KCNMB3: variants seen among roughly 807,000 people sequenced by gnomAD.
The protein encoded by KCNMB3 is potassium calcium-activated channel subfamily M regulatory beta subunit 3, also known as calcium-activated potassium channel subunit beta-3.
Under a neutral mutation model 11.9 loss-of-function variants are expected in KCNMB3, and 18 were observed. The observed-to-expected ratio is 1.51, with a 90% confidence interval of 1.04 to 2.23. The LOEUF is 2.23. KCNMB3 is among the 30% of genes most tolerant of loss of function. The pLI is 0.00. For missense variants in KCNMB3, 247 were observed against 329.4 expected, an observed-to-expected ratio of 0.75 and a Z score of 1.94; for synonymous variants, 78 against 119.2, an observed-to-expected ratio of 0.65 and a Z score of 2.25.
chr3:179,250,598 G>A (rs1009933516), intron 1 of KCNMB3, 145 bp downstream of exon 1: 5 of 842,538 alleles, frequency 5.9e-6, no homozygotes, highest in African/African-American at 5.1e-5. Context: ...AGCACTGACA[G>A]CGGAAGAGGA....
In KCNMB3 at chr3:179,250,818, C is replaced by T. The variant is rs1281508872; in HGVS notation, c.173G>A (p.Gly58Glu). 6 of 1,614,170 alleles carry T rather than the reference C, an allele frequency of 3.7e-6. No homozygotes were observed. The highest frequency in any genetic ancestry group is 3.4e-6 in the Non-Finnish European group (4 of 1,180,040). ...SAGEDRAVML[G>E]FAMMGFSVLM... ...GACTGAGAAGCCCATCATGGCAAAC[C>T]CCAGCATCACGGCTCGGTCCTCTCC... The change falls in exon 1 of 3, where the codon GGG becomes GAG. Residue 58 changes from glycine to glutamate, a missense_variant. Transcript: ENST00000392685.
At chr3:179,246,172 G>A (rs1725636427) in intron 1 of KCNMB3, among the ~76,000 whole-genome samples, 1 of 152,192 alleles carries the variant, frequency 6.6e-6, no homozygotes, top group Non-Finnish European at 1.5e-5. Flanking sequence ...AGCACTTTGG[G>A]AGGCCGAGGC....
intron 1 of KCNMB3, chr3:179,261,358 G>A: frequency 7.8e-6 from 9 of 1,149,930 alleles, no homozygotes; most frequent in Non-Finnish European, 9.7e-6. Context: ...GCCAGGGGGC[G>A]CGCGCTCTGT....
chr3:179,266,739 C>T (rs1467657535), exon 1 of KCNMB3: 5 of 1,613,408 alleles, frequency 3.1e-6, no homozygotes, highest in East Asian at 2.2e-5. Context: ...AAATGGCTCC[C>T]TTTCACCTGA....
chr3:179,260,754 G>C (rs62410372), intron 1 of KCNMB3: 1 of 1,425,854 alleles, frequency 7.0e-7, no homozygotes, highest in South Asian at 1.2e-5. Context: ...TGAAACTGCA[G>C]TATACTGTGG....
upstream of KCNMB3, among the ~76,000 whole-genome samples, chr3:179,253,837 T>A (rs905540312): frequency 5.9e-5 from 9 of 152,012 alleles, no homozygotes; most frequent in African/African-American, 1.4e-4. Flanking sequence ...AATTTAAAAA[T>A]TTTTTTAAAA....
intron 1 of KCNMB3, among the ~76,000 whole-genome samples, chr3:179,263,323 C>T (rs1265975238): frequency 6.6e-6 from 1 of 152,002 alleles, no homozygotes; most frequent in Non-Finnish European, 1.5e-5. Flanking sequence ...GCTGAGTCCA[C>T]GCCCACCTGG....
intron 1 of KCNMB3, chr3:179,260,501 T>G (rs1726171090): frequency 5.6e-6 from 9 of 1,607,688 alleles, no homozygotes; most frequent in Non-Finnish European, 7.6e-6. Flanking sequence ...AGATTTCTCT[T>G]TTCCCCACAT....
intron 1 of KCNMB3, among the ~76,000 whole-genome samples, chr3:179,245,515 G>GA (rs1491194472): frequency 1.7e-5 from 2 of 120,430 alleles, no homozygotes; most frequent in Non-Finnish European, 3.6e-5. Context: ...TAATTTTTTT[G>GA]GGGGGGGGGA....
At chr3:179,240,768 A>C (rs1299243841), downstream of KCNMB3, 1 of 133,102 alleles carries the variant, frequency 7.5e-6, no homozygotes, top group Non-Finnish European at 1.6e-5. Context: ...TTAAATTAGC[A>C]GTTTTGAATT....
At chr3:179,242,661 A>G (rs1725492380), downstream of KCNMB3, 1 of 555,626 alleles carries the variant, frequency 1.8e-6, no homozygotes, top group Admixed American at 4.4e-5. Flanking sequence ...GCTATACAGG[A>G]AAAAAAACAG....
At chr3:179,263,069 A>G (rs1342438969) in intron 1 of KCNMB3, among the ~76,000 whole-genome samples, 2 of 152,170 alleles carry the variant, frequency 1.3e-5, no homozygotes, top group Admixed American at 6.5e-5. Context: ...TCAGACCTTG[A>G]GTGGTGGATG....
chr3:179,263,424 T>G (rs917156947), intron 1 of KCNMB3, among the ~76,000 whole-genome samples: 1 of 152,206 alleles, frequency 6.6e-6, no homozygotes, highest in African/African-American at 2.4e-5. Context: ...GGGAGCCGGC[T>G]CTAGCCTTGG....
At chr3:179,254,527 T>C (rs1281517479), upstream of KCNMB3, among the ~76,000 whole-genome samples, 4 of 152,148 alleles carry the variant, frequency 2.6e-5, no homozygotes, top group African/African-American at 9.7e-5. Context: ...AAGAATTCTA[T>C]AGGCCAGGCG....
chr3:179,244,729 T>C (rs4080957), intron 1 of KCNMB3, 36 bp from the exon 2 acceptor site: 313,754 of 1,562,518 alleles, frequency 0.2, 34,779 homozygotes, highest in African/African-American at 0.44. Flanking sequence ...TCTTCACTTA[T>C]TAGAAAATTT....
At chr3:179,263,800 C>CTTTTTTTTTTTTTTT (rs60270913) in intron 1 of KCNMB3, among the ~76,000 whole-genome samples, 5 of 59,978 alleles carry the variant, frequency 8.3e-5, no homozygotes, top group Admixed American at 5.0e-4. Context: ...TTTTTCTTTT[C>CTTTTTTTTTTTTTTT]TTTTTTTTTT....
At chr3:179,246,784 G>T (rs1725658225) in intron 1 of KCNMB3, among the ~76,000 whole-genome samples, 1 of 152,196 alleles carries the variant, frequency 6.6e-6, no homozygotes, top group Non-Finnish European at 1.5e-5. Flanking sequence ...ACTGAACTGA[G>T]TATGATTTGA....
At chr3:179,241,505 G>C (rs1332736176), downstream of KCNMB3, 1 of 154,332 alleles carries the variant, frequency 6.5e-6, no homozygotes, top group Admixed American at 6.5e-5. Flanking sequence ...AACTGACTTA[G>C]AATCAGTTTT....
At chr3:179,264,587 C>T (rs186650079) in intron 1 of KCNMB3, among the ~76,000 whole-genome samples, 53 of 152,290 alleles carry the variant, frequency 3.5e-4, no homozygotes, top group East Asian at 7.7e-4. Context: ...AGCCCAAGTA[C>T]GACACATGGC....
Sources: allele counts gnomAD v4.1 joint callset (sites outside exome capture counted in the v4.1 genomes callset), GRCh38; gene constraint gnomAD v4.1.1; transcripts MANE v1.5; gene names NCBI Gene and HGNC (gene_info 2026-07-23, HGNC 2026-07-21).